Variants in SYNE2 observed in about 807,000 individuals in gnomAD.
SYNE2 encodes the protein spectrin repeat containing nuclear envelope protein 2, also known as nesprin-2.
In SYNE2, 431 loss-of-function variants were observed where a neutral mutation model predicts 856.3. That is an observed-to-expected ratio of 0.50 (90% CI 0.47 to 0.55). The LOEUF (loss-of-function observed/expected upper bound fraction) is 0.55, where lower values mean the gene tolerates loss of function less well. Ranked by LOEUF, SYNE2 falls within the 20% of genes least tolerant of loss-of-function variation. The probability of loss-of-function intolerance (pLI) is 0.00; values close to 1 mark genes in which losing one functional copy is unlikely to be tolerated. For synonymous variants in SYNE2, 2,923 were observed against 2,872.3 expected, an observed-to-expected ratio of 1.02 and a Z score of -0.56; for missense variants, 8,129 against 8,023.2, an observed-to-expected ratio of 1.01 and a Z score of -0.50.
chr14:64,097,018 A>G (rs1203607691), intron 61 of SYNE2, among the ~76,000 whole-genome samples: 5 of 152,232 alleles, frequency 3.3e-5, no homozygotes, highest in African/African-American at 4.8e-5. Flanking sequence ...AAGTTGAATG[A>G]CATCTCTCAG....
intron 58 of SYNE2, among the ~76,000 whole-genome samples, chr14:64,089,369 G>GAAAAAAAAA (rs57358817): frequency 2.0e-5 from 1 of 50,462 alleles, no homozygotes; most frequent in African/African-American, 8.0e-5. Context: ...TCCGTCTCAG[G>GAAAAAAAAA]AAAAAAAAAA....
At chr14:63,880,733 T>G (rs1595397694) in intron 1 of SYNE2, among the ~76,000 whole-genome samples, 1 of 150,640 alleles carries the variant, frequency 6.6e-6, no homozygotes, top group African/African-American at 2.4e-5. Flanking sequence ...AGTACAGTGG[T>G]GTAATCATGG....
At chr14:63,804,346 T>C (rs986188990) in intron 1 of SYNE2, among the ~76,000 whole-genome samples, 1 of 152,224 alleles carries the variant, frequency 6.6e-6, no homozygotes, top group African/African-American at 2.4e-5. Context: ...TTTCTTTTGC[T>C]GTGCAGAAGC....
chr14:64,142,172 G>A (rs1258134865), intron 82 of SYNE2, 84 bp downstream of exon 82: 3 of 1,522,548 alleles, frequency 2.0e-6, no homozygotes, highest in Non-Finnish European at 2.7e-6. Context: ...GGGACACATA[G>A]GATATAATTT....
At chr14:64,013,485 T>G (rs1478774088) in intron 32 of SYNE2, among the ~76,000 whole-genome samples, 1 of 152,164 alleles carries the variant, frequency 6.6e-6, no homozygotes, top group Non-Finnish European at 1.5e-5. Flanking sequence ...ACTCCCACTG[T>G]CTCACCTTTT....
intron 1 of SYNE2, among the ~76,000 whole-genome samples, chr14:63,824,204 T>C (rs1451579484): frequency 1.3e-5 from 2 of 152,052 alleles, no homozygotes; most frequent in Non-Finnish European, 2.9e-5. Context: ...CCGAGCATGG[T>C]AGTGTGCATC....
In SYNE2 at chr14:64,224,502, G is replaced by C; in HGVS notation, c.20424G>C (p.Ser6808=). The C allele has an allele frequency of 6.2e-7, 1 of 1,614,062 alleles. No individual in the cohort carries two copies. The change falls in exon 114 of 116, where the codon TCG becomes TCC. Residue 6808 remains serine, a synonymous_variant. Transcript: ENST00000555002. ...SPLPSFDEVD[S]GDQPPATSVP... is the part of the protein sequence containing the mutation. ...TGCCCAGCTTCGACGAGGTAGACTC[G>C]GGGGACCAGCCTCCTGCAACATCCG...
chr14:64,071,585 C>T (rs1451984417), intron 52 of SYNE2, among the ~76,000 whole-genome samples: 2 of 152,180 alleles, frequency 1.3e-5, no homozygotes, highest in Non-Finnish European at 2.9e-5. Flanking sequence ...CACTGCCAAT[C>T]ATTTTTTCTC....
chr14:64,119,387 A>G (rs762127443), intron 66 of SYNE2, 40 bp from the exon 67 acceptor site: 3 of 1,612,176 alleles, frequency 1.9e-6, no homozygotes, highest in South Asian at 2.2e-5. Flanking sequence ...TACTTCTTCA[A>G]GAACAACATT....
chr14:63,828,599 C>A (rs1034779076), intron 1 of SYNE2, among the ~76,000 whole-genome samples: 1 of 152,108 alleles, frequency 6.6e-6, no homozygotes, highest in East Asian at 1.9e-4. Flanking sequence ...CAAAGTGAGA[C>A]CCCCGTCTAC....
intron 1 of SYNE2, among the ~76,000 whole-genome samples, chr14:63,798,244 C>G (rs759793539): frequency 4.6e-5 from 7 of 152,018 alleles, no homozygotes; most frequent in African/African-American, 1.2e-4. Context: ...GAGATAAGGT[C>G]TCACTATGTT....
At chr14:64,053,703 A>C in intron 48 of SYNE2, 46 bp downstream of exon 48, 10 of 1,577,880 alleles carry the variant, frequency 6.3e-6, no homozygotes, top group Non-Finnish European at 7.8e-6. Context: ...GCGGGGGCTC[A>C]CGCCTGTAAT....
intron 51 of SYNE2, among the ~76,000 whole-genome samples, chr14:64,066,508 C>T (rs986027763): frequency 5.3e-5 from 8 of 152,116 alleles, no homozygotes; most frequent in African/African-American, 1.9e-4. Flanking sequence ...GTCTCAAAAA[C>T]AAACAAACAA....
chr14:64,041,863 GA>G (rs2097151332), intron 45 of SYNE2, among the ~76,000 whole-genome samples: 2 of 142,174 alleles, frequency 1.4e-5, no homozygotes, highest in South Asian at 4.5e-4. Flanking sequence ...AAAAAAAAAA[GA>G]AAAAAGAAAA....
chr14:63,899,913 A>G (rs773980049), intron 1 of SYNE2, among the ~76,000 whole-genome samples: 23 of 152,256 alleles, frequency 1.5e-4, no homozygotes, highest in Non-Finnish European at 3.1e-4. Flanking sequence ...TACCATTTAT[A>G]TACTGTGTAG....
At position 64,219,192 on chromosome 14, in the gene SYNE2, G is replaced by A. The variant is rs759394910; in HGVS notation, c.19658-16G>A. ...TGCATTATTGCTTTTTTTAATTGGC[G>A]ATTTTTTAATTCCAGGTGCCTTCGA... On this transcript the variant is annotated splice_polypyrimidine_tract_variant and intron_variant, in intron 109 of 115. Transcript: ENST00000555002. 8 of 1,574,276 alleles carry A rather than the reference G, an allele frequency of 5.1e-6. No individual in the cohort carries two copies. The highest frequency in any genetic ancestry group is 1.7e-4 in the Middle Eastern group (1 of 5,940).
At chr14:63,879,727 T>C (rs1047106150) in intron 1 of SYNE2, among the ~76,000 whole-genome samples, 2 of 152,192 alleles carry the variant, frequency 1.3e-5, no homozygotes, top group African/African-American at 4.8e-5. Flanking sequence ...AGGACAAAAG[T>C]ATTTTTGCGT....
chr14:63,811,418 C>A (rs1888609933), intron 1 of SYNE2, among the ~76,000 whole-genome samples: 1 of 152,064 alleles, frequency 6.6e-6, no homozygotes, highest in African/African-American at 2.4e-5. Flanking sequence ...CCATGCCTGG[C>A]TAAATTTTTT....
At chr14:63,779,604 A>T (rs1367415039) in intron 1 of SYNE2, among the ~76,000 whole-genome samples, 1 of 152,098 alleles carries the variant, frequency 6.6e-6, no homozygotes, top group African/African-American at 2.4e-5. Context: ...ATCTTAGCGA[A>T]TGCAAATAAA....
Sources: allele counts gnomAD v4.1 joint callset (sites outside exome capture counted in the v4.1 genomes callset), GRCh38; gene constraint gnomAD v4.1.1; transcripts MANE v1.5; gene names NCBI Gene and HGNC (gene_info 2026-07-23, HGNC 2026-07-21).